KALRN: variants seen among roughly 807,000 people sequenced by gnomAD.
KALRN encodes the protein kalirin RhoGEF kinase.
In KALRN, 70 loss-of-function variants were observed where a neutral mutation model predicts 353.7. That is an observed-to-expected ratio of 0.20 (90% CI 0.16 to 0.24). The LOEUF (loss-of-function observed/expected upper bound fraction) is 0.24, where lower values mean the gene tolerates loss of function less well. KALRN is among the 10% of genes least tolerant of loss of function. The pLI, the probability that KALRN is intolerant of heterozygous loss-of-function variation, is 1.00. For synonymous variants in KALRN, 1,391 were observed against 1,434.8 expected, an observed-to-expected ratio of 0.97 and a Z score of 0.69; for missense variants, 2,791 against 3,756.7, an observed-to-expected ratio of 0.74 and a Z score of 6.72.
At chr3:124,388,494 G>T (rs1345655196) in intron 11 of KALRN, among the ~76,000 whole-genome samples, 1 of 152,092 alleles carries the variant, frequency 6.6e-6, no homozygotes, top group Non-Finnish European at 1.5e-5. Flanking sequence ...TGTAGCTAGA[G>T]ATACTACTGT....
chr3:124,140,962 C>A (rs1033786012), intron 1 of KALRN, among the ~76,000 whole-genome samples: 1 of 152,128 alleles, frequency 6.6e-6, no homozygotes, highest in Non-Finnish European at 1.5e-5. Context: ...AAATAATCTA[C>A]CTCATTACCA....
At chr3:124,488,435 G>A in intron 29 of KALRN, 120 bp downstream of exon 29, 1 of 715,818 alleles carries the variant, frequency 1.4e-6, no homozygotes, top group Non-Finnish European at 2.5e-6. Context: ...GAGAAGAAAT[G>A]ACAAGTAGTT....
rs1448727495 is a variant in KALRN at position 124,495,955 on chromosome 3, G to GTA, written c.4833-355_4833-354insAT. 3.0e-3 allele frequency among the ~76,000 whole-genome samples: 83 copies of GTA among 27,400 alleles called. 4 individuals carry two copies. Among genetic ancestry groups the GTA allele is most frequent in the African/African-American group, 3.7e-3 (19 of 5,110 alleles). The allele number at this position is 27,400 out of a possible 152,430, so 18.0% of individuals were successfully genotyped here. ...CAGACCCGTTCCCAAGTGTGTGTAT[G>GTA]TGTATGTATGTATATATATATATAT... On this transcript the variant is annotated intron_variant, in intron 32 of 59. Transcript: ENST00000682506.
Position 124,674,376 on chromosome 3 carries a change from G to T in KALRN, c.6955G>T (p.Gly2319Cys), listed in dbSNP as rs1285442067. 6.2e-7 allele frequency: 1 copy of T among 1,613,192 alleles called. No homozygotes were observed. Among genetic ancestry groups the T allele is most frequent in the Non-Finnish European group, 8.5e-7 (1 of 1,179,638 alleles). Residue 2319 changes from glycine to cysteine, a missense_variant, in exon 49 of 60, where the codon GGC becomes TGC. Gly to Cys is a radical substitution (Grantham distance 159). Coordinates refer to ENST00000682506, the MANE Select transcript of KALRN (RefSeq NM_001388419.1). ...KFEASKNDLG[G>C]CNGTSSMAVI... ...TATCTCCCAGCAGAACGACCTGGGA[G>T]GCTGCAATGGGACCTCGTCCATGGC...
At chr3:124,567,290 A>T (rs961334065) in intron 34 of KALRN, among the ~76,000 whole-genome samples, 1 of 151,922 alleles carries the variant, frequency 6.6e-6, no homozygotes, top group Non-Finnish European at 1.5e-5. Flanking sequence ...AAGCAAGGTG[A>T]CCTCCCTGAA....
intron 3 of KALRN, among the ~76,000 whole-genome samples, chr3:124,254,570 G>A (rs975153591): frequency 6.6e-6 from 1 of 152,118 alleles, no homozygotes; most frequent in Non-Finnish European, 1.5e-5. Flanking sequence ...GGTAGGGCAG[G>A]ATAATAAATA....
intron 28 of KALRN, among the ~76,000 whole-genome samples, chr3:124,484,940 C>T (rs908228298): frequency 3.3e-5 from 5 of 151,968 alleles, no homozygotes; most frequent in African/African-American, 1.2e-4. Context: ...CCCGTCTCTA[C>T]AAAAAATTAG....
In KALRN at chr3:124,669,742, T is replaced by A. The variant is rs1409165198; in HGVS notation, c.6704-1918T>A. 7.2e-5 allele frequency among the ~76,000 whole-genome samples: 11 copies of A among 152,212 alleles called. 1 individual carries two copies. Among genetic ancestry groups the A allele is most frequent in the South Asian group, 4.1e-4 (2 of 4,836 alleles). On this transcript the variant is annotated intron_variant, in intron 47 of 59. Transcript: ENST00000682506. ...GACCTCCCGAGGATACCAGAGTCTG[T>A]GGATGCTCAAGTCCCTTACATAAAA...
At chr3:124,403,397 C>T (rs918439920) in intron 13 of KALRN, among the ~76,000 whole-genome samples, 16 of 152,258 alleles carry the variant, frequency 1.1e-4, no homozygotes, top group African/African-American at 3.1e-4. Flanking sequence ...AGAAATGACA[C>T]TAAGAAGGAT....
intron 33 of KALRN, among the ~76,000 whole-genome samples, chr3:124,534,977 A>G (rs1420051998): frequency 1.3e-5 from 2 of 152,124 alleles, no homozygotes; most frequent in East Asian, 3.9e-4. Context: ...GCCAGAGTAA[A>G]AAAATCTCAA....
rs2063389088 is a variant in KALRN at position 124,724,016 on chromosome 3, G to A, written c.*4546G>A. On this transcript the variant is annotated 3_prime_UTR_variant, in exon 60 of 60. Coordinates refer to ENST00000682506, the MANE Select transcript of KALRN (RefSeq NM_001388419.1). ...TGAATTGGACTGCTCATTTTTGGAG[G>A]ACAAACCTTGAATCTTTTTTTTTTT... The A allele has an allele frequency of 6.7e-6, 1 of 149,416 alleles. No individual in the cohort carries two copies. The highest frequency in any genetic ancestry group is 2.1e-4 in the South Asian group (1 of 4,678). 9.3% of individuals were successfully genotyped at this position (149,416 alleles called of 1,614,324 possible). A position where few individuals can be genotyped will look rare whatever the true frequency, so the allele number is the denominator to read the frequency against.
At chr3:124,099,321 T>G (rs943204160) in intron 1 of KALRN, 2 of 152,232 alleles carry the variant, frequency 1.3e-5, no homozygotes, top group African/African-American at 4.8e-5. Context: ...TATTTGTCTT[T>G]CTGTACCTGG....
intron 33 of KALRN, among the ~76,000 whole-genome samples, chr3:124,538,108 A>G (rs2068684317): frequency 6.6e-6 from 1 of 152,254 alleles, no homozygotes; most frequent in Non-Finnish European, 1.5e-5. Flanking sequence ...GCTTTTGACA[A>G]GTGCAAGTAC....
At chr3:124,368,459 C>G (rs578234333) in intron 10 of KALRN, among the ~76,000 whole-genome samples, 15 of 142,216 alleles carry the variant, frequency 1.1e-4, no homozygotes, top group African/African-American at 3.2e-4. Flanking sequence ...ACATCTCAGA[C>G]GATGGGCGGC....
chr3:124,328,958 TTGTCCTCATA>T (rs1215917027), intron 7 of KALRN, among the ~76,000 whole-genome samples: 1 of 152,236 alleles, frequency 6.6e-6, no homozygotes, highest in Non-Finnish European at 1.5e-5. Context: ...CAGCTCTTTA[TTGTCCTCATA>T]TGGGCTGTTC....
chr3:124,519,369 G>A, intron 33 of KALRN: 1 of 985,406 alleles, frequency 1.0e-6, no homozygotes, highest in Non-Finnish European at 1.2e-6. Flanking sequence ...ACTCAAGAGA[G>A]AGCCCCAACC....
In KALRN at chr3:124,413,575, G is replaced by C; in HGVS notation, c.2452G>C (p.Glu818Gln). 1 of 1,614,126 alleles carries C rather than the reference G, an allele frequency of 6.2e-7. No homozygotes were observed. ...AGAACAGCGGCTGCAGCGCCACACA[G>C]AACGGAAGCTAGCCATGAACAACAT... ...LAEQRLQRHT[E>Q]RKLAMNNMTF... The change falls in exon 14 of 60, where the codon GAA becomes CAA. Residue 818 changes from glutamate to glutamine, a missense_variant. Physicochemically the swap from Glu to Gln is conservative, Grantham distance 29. Coordinates refer to ENST00000682506, the MANE Select transcript of KALRN (RefSeq NM_001388419.1).
chr3:124,629,988 T>C (rs1264475291), intron 34 of KALRN, among the ~76,000 whole-genome samples: 2 of 152,224 alleles, frequency 1.3e-5, no homozygotes, highest in East Asian at 3.8e-4. Flanking sequence ...ATTTGCATGC[T>C]GATGCTCCTG....
chr3:124,586,659 G>GGCTA (rs2075224671), intron 34 of KALRN, among the ~76,000 whole-genome samples: 1 of 152,184 alleles, frequency 6.6e-6, no homozygotes, highest in East Asian at 1.9e-4. Flanking sequence ...GAGCTGAAAA[G>GGCTA]GCTAGCGACC....
Sources: allele counts gnomAD v4.1 joint callset (sites outside exome capture counted in the v4.1 genomes callset), GRCh38; gene constraint gnomAD v4.1.1; transcripts MANE v1.5; gene names NCBI Gene and HGNC (gene_info 2026-07-23, HGNC 2026-07-21).